Variants in LSAMP observed in about 807,000 individuals in gnomAD.
LSAMP encodes the protein limbic system-associated membrane protein.
LSAMP carries 7 observed loss-of-function variants against 38.6 expected under a neutral mutation model. The observed-to-expected ratio is 0.18, with a 90% confidence interval of 0.10 to 0.34. The LOEUF is 0.34. Ranked by LOEUF, LSAMP falls within the 10% of genes least tolerant of loss-of-function variation. The pLI is 1.00. For missense variants in LSAMP, 313 were observed against 420.0 expected (o/e 0.75, Z 2.23); for synonymous variants, 154 against 166.8 (o/e 0.92, Z 0.59).
At chr3:115,888,007 A>G (rs1936500212) in intron 3 of LSAMP, among the ~76,000 whole-genome samples, 1 of 151,972 alleles carries the variant, frequency 6.6e-6, no homozygotes, top group Non-Finnish European at 1.5e-5. Context: ...TAGTGGACAC[A>G]TTTTAGCAAA....
chr3:116,186,137 T>G (rs1223048025), intron 1 of LSAMP, among the ~76,000 whole-genome samples: 1 of 152,144 alleles, frequency 6.6e-6, no homozygotes, highest in Admixed American at 6.5e-5. Context: ...TGTCTGGCTA[T>G]GTCAGGCCAG....
intron 6 of LSAMP, among the ~76,000 whole-genome samples, chr3:115,818,791 T>TATATATATATATATATA (rs1934121752): frequency 6.8e-5 from 1 of 14,802 alleles, no homozygotes; most frequent in African/African-American, 1.7e-4. Context: ...GTTGTACTTT[T>TATATATATATATATATA]ATATATATAT....
At chr3:116,169,897 G>A (rs1710154828) in intron 1 of LSAMP, among the ~76,000 whole-genome samples, 1 of 151,994 alleles carries the variant, frequency 6.6e-6, no homozygotes, top group African/African-American at 2.4e-5. Flanking sequence ...AAAACAAGTG[G>A]GCATGAGTGT....
intron 6 of LSAMP, among the ~76,000 whole-genome samples, chr3:115,823,638 T>G (rs771924573): frequency 1.4e-4 from 21 of 152,308 alleles, no homozygotes; most frequent in Admixed American, 3.3e-4. Flanking sequence ...TCAATGCATT[T>G]TTTTAAAAAA....
At chr3:116,105,841 T>C (rs1402386902) in intron 1 of LSAMP, among the ~76,000 whole-genome samples, 3 of 151,998 alleles carry the variant, frequency 2.0e-5, no homozygotes, top group Admixed American at 2.0e-4. Flanking sequence ...AGTGTTGAAG[T>C]GTTGGGGCGG....
intron 3 of LSAMP, among the ~76,000 whole-genome samples, chr3:115,907,635 C>T (rs1293707183): frequency 2.0e-5 from 3 of 152,118 alleles, no homozygotes; most frequent in Non-Finnish European, 4.4e-5. Flanking sequence ...ACCCATCTGA[C>T]CCTGCATGAA....
At chr3:115,982,567 C>T (rs1208673696) in intron 3 of LSAMP, among the ~76,000 whole-genome samples, 5 of 152,148 alleles carry the variant, frequency 3.3e-5, no homozygotes, top group African/African-American at 1.2e-4. Flanking sequence ...CTCAATTTCC[C>T]ATTTTCTACA....
chr3:116,154,816 A>C (rs1709703542), intron 1 of LSAMP, among the ~76,000 whole-genome samples: 1 of 152,170 alleles, frequency 6.6e-6, no homozygotes, highest in African/African-American at 2.4e-5. Context: ...GACTGGAAAA[A>C]AACCTTAGAG....
intron 3 of LSAMP, among the ~76,000 whole-genome samples, chr3:115,869,269 GGAGAGAGAGAGAGA>G (rs35112915): frequency 6.2e-5 from 8 of 128,522 alleles, no homozygotes; most frequent in South Asian, 5.3e-4. Context: ...TCTTGGAGGG[GGAGAGAGAGAGAGA>G]GAGAGAGAGA....
In LSAMP at chr3:115,957,751, A is replaced by G. The variant is rs140712351; in HGVS notation, c.514+61764T>C. The stretch of plus-strand genomic sequence containing the variant: ...TAGTTTTAGTGTATACAGCAAGACC[A>G]TTTTGTACCTTTCTTGGAAGATATG... On this transcript the variant is annotated intron_variant, in intron 3 of 6. Transcript: ENST00000490035. Among the ~76,000 whole-genome samples the G allele has an allele frequency of 6.2e-3, 946 of 152,258 alleles. 49 individuals carry two copies. The highest frequency in any genetic ancestry group is 0.057 in the Admixed American group (866 of 15,288).
At chr3:115,939,571 T>TCTTTCTTTCTTTCTTC in intron 3 of LSAMP, among the ~76,000 whole-genome samples, 1 of 50,758 alleles carries the variant, frequency 2.0e-5, no homozygotes, top group Non-Finnish European at 5.8e-5. Flanking sequence ...TTTCTTTCTT[T>TCTTTCTTTCTTTCTTC]CTTTCTTTCT....
At chr3:116,350,215 T>A (rs2048118901) in intron 1 of LSAMP, among the ~76,000 whole-genome samples, 1 of 152,038 alleles carries the variant, frequency 6.6e-6, no homozygotes, top group South Asian at 2.1e-4. Context: ...TAAATGTCAG[T>A]CTAAGTAAAA....
chr3:116,247,703 A>G (rs2046622093), intron 1 of LSAMP, among the ~76,000 whole-genome samples: 1 of 152,190 alleles, frequency 6.6e-6, no homozygotes, highest in Non-Finnish European at 1.5e-5. Context: ...TTTGGCCTGG[A>G]ACCAAGTATG....
intron 3 of LSAMP, among the ~76,000 whole-genome samples, chr3:115,951,946 G>T (rs1938304750): frequency 6.6e-6 from 1 of 152,010 alleles, no homozygotes; most frequent in Non-Finnish European, 1.5e-5. Context: ...ATATACAAAT[G>T]GCCAGCAAAC....
At chr3:116,335,178 A>T (rs2047902698) in intron 1 of LSAMP, among the ~76,000 whole-genome samples, 2 of 152,086 alleles carry the variant, frequency 1.3e-5, no homozygotes, top group African/African-American at 4.8e-5. Context: ...CAAAGAATAT[A>T]TGATGAAAAC....
chr3:116,092,478 G>C (rs1708145581), intron 1 of LSAMP, among the ~76,000 whole-genome samples: 2 of 152,098 alleles, frequency 1.3e-5, no homozygotes, highest in South Asian at 4.2e-4. Flanking sequence ...AATATTAGAT[G>C]GGTTACCTAC....
intron 1 of LSAMP, among the ~76,000 whole-genome samples, chr3:116,227,328 C>T (rs931924460): frequency 4.6e-5 from 7 of 152,146 alleles, no homozygotes; most frequent in African/African-American, 1.7e-4. Context: ...CAGCTAAAGT[C>T]CCATCATAGC....
chr3:116,430,093 G>A (rs1043186535), intron 1 of LSAMP, among the ~76,000 whole-genome samples: 3 of 152,174 alleles, frequency 2.0e-5, no homozygotes, highest in Admixed American at 2.0e-4. Context: ...TGTGTATGAA[G>A]CTGGCTGATG....
intron 3 of LSAMP, among the ~76,000 whole-genome samples, chr3:115,918,291 TA>T (rs1221040012): frequency 6.6e-6 from 1 of 152,174 alleles, no homozygotes; most frequent in African/African-American, 2.4e-5. Context: ...TTGGCCTGGA[TA>T]AAAAATAGCC....
Sources: allele counts gnomAD v4.1 joint callset (sites outside exome capture counted in the v4.1 genomes callset), GRCh38; gene constraint gnomAD v4.1.1; transcripts MANE v1.5; gene names NCBI Gene and HGNC (gene_info 2026-07-23, HGNC 2026-07-21).